Variants in JAKMIP1 observed in about 807,000 individuals in gnomAD.
JAKMIP1 encodes janus kinase and microtubule interacting protein 1.
A neutral mutation model predicts 113.0 loss-of-function variants in JAKMIP1; 33 were observed. The ratio of observed to expected loss-of-function variants is 0.29; its 90% CI spans 0.22 to 0.39. The LOEUF (loss-of-function observed/expected upper bound fraction) is 0.39. Among genes scored for constraint, JAKMIP1 ranks in the 10% least tolerant of loss-of-function variants. The pLI is 1.00. For synonymous variants in JAKMIP1, 480 were observed against 459.9 expected (o/e 1.04, Z -0.56); for missense variants, 813 against 1,080.5 (o/e 0.75, Z 3.47).
chr4:6,128,086 A>G (rs1717980788), intron 1 of JAKMIP1, among the ~76,000 whole-genome samples: 1 of 152,188 alleles, frequency 6.6e-6, no homozygotes, highest in African/African-American at 2.4e-5. Context: ...CAGGATTACC[A>G]CCACCTCCAC....
intron 8 of JAKMIP1, 107 bp downstream of exon 8, chr4:6,078,832 G>T: frequency 1.0e-6 from 1 of 984,654 alleles, no homozygotes; most frequent in Non-Finnish European, 1.6e-6. Flanking sequence ...AGATGTGTGT[G>T]TCTGCTTCAG....
At chr4:6,118,839 C>G (rs1716252018) in intron 1 of JAKMIP1, among the ~76,000 whole-genome samples, 1 of 152,168 alleles carries the variant, frequency 6.6e-6, no homozygotes, top group Non-Finnish European at 1.5e-5. Flanking sequence ...ACATCCTGCT[C>G]CCCAGAACCT....
At chr4:6,077,476 C>T (rs1261596766) in intron 8 of JAKMIP1, among the ~76,000 whole-genome samples, 1 of 136,766 alleles carries the variant, frequency 7.3e-6, no homozygotes. Flanking sequence ...TAATACATTT[C>T]CTTTCCTTTT....
intron 1 of JAKMIP1, among the ~76,000 whole-genome samples, chr4:6,165,488 A>T (rs1239494255): frequency 6.6e-6 from 1 of 152,196 alleles, no homozygotes; most frequent in Non-Finnish European, 1.5e-5. Flanking sequence ...TATTTTTAGT[A>T]GAGACAGGGT....
intron 3 of JAKMIP1, among the ~76,000 whole-genome samples, chr4:6,101,045 C>A (rs1351234794): frequency 1.3e-5 from 2 of 152,142 alleles, no homozygotes; most frequent in East Asian, 3.9e-4. Flanking sequence ...ATGATTATTT[C>A]ATGTCCAATG....
intron 1 of JAKMIP1, among the ~76,000 whole-genome samples, chr4:6,196,859 CA>C (rs68110058): frequency 0.84 from 114,765 of 136,140 alleles, 48,567 homozygotes; most frequent in East Asian, 0.98. Context: ...GAAACTCTGT[CA>C]AAAAAAAAAA....
intron 1 of JAKMIP1, among the ~76,000 whole-genome samples, chr4:6,118,016 G>T (rs1014438745): frequency 1.3e-5 from 2 of 152,154 alleles, no homozygotes; most frequent in Non-Finnish European, 2.9e-5. Context: ...GTCCTGAGAC[G>T]ATACATATCC....
rs1055368290 is a variant in JAKMIP1 at position 6,139,583 on chromosome 4, T to C, written c.-147-26586A>G. On this transcript the variant is annotated intron_variant, in intron 1 of 20. Coordinates refer to ENST00000409021, the MANE Select transcript of JAKMIP1 (RefSeq NM_001099433.2). This position sits in a 1 kb window ranked among gnomAD's most constrained non-coding sequence, Gnocchi z 5.2. ...GAGTTCGAGACCAACCTGGCCAACA[T>C]AGTGAAACCCCATCTCTACTAAAAA... 1.8e-4 allele frequency among the ~76,000 whole-genome samples: 28 copies of C among 151,712 alleles called. No individual in the cohort carries two copies. The highest frequency in any genetic ancestry group is 3.8e-4 in the Non-Finnish European group (26 of 67,956).
rs1022800589 is a variant in JAKMIP1 at position 6,136,936 on chromosome 4, T to C, written c.-147-23939A>G. 6.6e-6 allele frequency among the ~76,000 whole-genome samples: 1 copy of C among 152,186 alleles called. No homozygotes were observed. Among genetic ancestry groups the C allele is most frequent in the Non-Finnish European group, 1.5e-5 (1 of 68,026 alleles). ...GCATGGGATTCCACTGACCATGCCA[T>C]TGTACAGATGAGGAAACTGAGGCTC... On this transcript the variant is annotated intron_variant, in intron 1 of 20. Coordinates refer to ENST00000409021, the MANE Select transcript of JAKMIP1 (RefSeq NM_001099433.2). This position sits in a 1 kb window ranked among gnomAD's most constrained non-coding sequence, Gnocchi z 5.9.
At chr4:6,113,602 G>A (rs963636556) in intron 1 of JAKMIP1, among the ~76,000 whole-genome samples, 2 of 152,188 alleles carry the variant, frequency 1.3e-5, no homozygotes, top group Non-Finnish European at 2.9e-5. Context: ...GTTGACTGCT[G>A]GTGATGTCAC....
intron 1 of JAKMIP1, among the ~76,000 whole-genome samples, chr4:6,125,973 C>T (rs1717476846): frequency 7.0e-6 from 1 of 142,778 alleles, no homozygotes; most frequent in Non-Finnish European, 1.5e-5. Flanking sequence ...ACCATACATA[C>T]CATGCAGAAA....
At position 6,135,269 on chromosome 4, in the gene JAKMIP1, T is replaced by A. The variant is rs990691226; in HGVS notation, c.-147-22272A>T. ...GGCTGTGGATTAGGGTGGGACCTAA[T>A]CCAAGATGACGGATGTCCTAACAAT... On this transcript the variant is annotated intron_variant, in intron 1 of 20. Transcript: ENST00000409021. The surrounding 1 kb of genome is among the most constrained non-coding windows in gnomAD (Gnocchi z 4.9). Among the ~76,000 whole-genome samples the A allele has an allele frequency of 1.3e-5, 2 of 152,072 alleles. No homozygotes were observed. Among genetic ancestry groups the A allele is most frequent in the African/African-American group, 2.4e-5 (1 of 41,402 alleles).
At chr4:6,112,615 C>CG in intron 2 of JAKMIP1, 107 bp downstream of exon 2, 1 of 1,375,866 alleles carries the variant, frequency 7.3e-7, no homozygotes, top group Non-Finnish European at 1.0e-6. Flanking sequence ...AGTGCCCCCC[C>CG]TCGGCCCCCC....
chr4:6,173,652 A>G (rs1373262880), intron 1 of JAKMIP1, among the ~76,000 whole-genome samples: 1 of 152,094 alleles, frequency 6.6e-6, no homozygotes, highest in Non-Finnish European at 1.5e-5. Flanking sequence ...TCCTTATCCC[A>G]TTTTTCTATC....
At chr4:6,102,722 C>CTTTTTT (rs1191358910) in intron 3 of JAKMIP1, among the ~76,000 whole-genome samples, 1,221 of 50,860 alleles carry the variant, frequency 0.024, 260 homozygotes, top group African/African-American at 0.061. Context: ...TCTCTAAAGA[C>CTTTTTT]TTTTTTTTTT....
chr4:6,070,812 C>CA (rs1030170328), intron 8 of JAKMIP1, among the ~76,000 whole-genome samples: 4 of 150,226 alleles, frequency 2.7e-5, no homozygotes, highest in Non-Finnish European at 5.9e-5. Flanking sequence ...TTTTATAGGC[C>CA]AAAACAAACC....
rs1227605574 is a variant in JAKMIP1, at chr4:6,191,116, C to A, written c.-148+9137G>T. ...CAATTAATATTGCAAAAGACTTACACAGGCTAGAGCCACTGAGTGGCCAAG... is the reference window on the plus strand; with the variant it reads ...CAATTAATATTGCAAAAGACTTACAAAGGCTAGAGCCACTGAGTGGCCAAG... On this transcript the variant is annotated intron_variant, in intron 1 of 20. Transcript: ENST00000409021. Among the ~76,000 whole-genome samples the A allele has an allele frequency of 2.0e-5, 3 of 152,240 alleles. No individual in the cohort carries two copies. The South Asian group carries it at 6.2e-4, about 31-fold the overall frequency.
Position 6,129,854 on chromosome 4 carries a change from C to A in JAKMIP1, c.-147-16857G>T, listed in dbSNP as rs757363720. On this transcript the variant is annotated intron_variant, in intron 1 of 20. Coordinates refer to ENST00000409021, the MANE Select transcript of JAKMIP1 (RefSeq NM_001099433.2). This position sits in a 1 kb window ranked among gnomAD's most constrained non-coding sequence, Gnocchi z 5.4. ...CTGTCCCCCAGTCAAAGAATCATCA[C>A]GTTCACCTCTGCTGTGGAGGACTGC... 6.6e-6 allele frequency among the ~76,000 whole-genome samples: 1 copy of A among 152,228 alleles called. No individual in the cohort carries two copies. The highest frequency in any genetic ancestry group is 2.4e-5 in the African/African-American group (1 of 41,454).
At position 6,142,999 on chromosome 4, in the gene JAKMIP1, C is replaced by A. The variant is rs1016813156; in HGVS notation, c.-147-30002G>T. On this transcript the variant is annotated intron_variant, in intron 1 of 20. Coordinates refer to ENST00000409021, the MANE Select transcript of JAKMIP1 (RefSeq NM_001099433.2). This position sits in a 1 kb window ranked among gnomAD's most constrained non-coding sequence, Gnocchi z 5.5. ...ACTATCAATATGAAAAGAAAAACTG[C>A]CTCGATGCCTTCTGGGGGCAGCCTG... 2.0e-5 allele frequency among the ~76,000 whole-genome samples: 3 copies of A among 152,098 alleles called. No individual in the cohort carries two copies. Among genetic ancestry groups the A allele is most frequent in the Non-Finnish European group, 2.9e-5 (2 of 68,022 alleles).
Sources: gnomAD v4.1 joint callset for allele counts (sites outside exome capture counted in the v4.1 genomes callset) on GRCh38, gnomAD v4.1.1 for gene constraint, Gnocchi (gnomAD v3.1) non-coding constraint, MANE v1.5 for transcripts, NCBI Gene and HGNC (gene_info 2026-07-23, HGNC 2026-07-21) for gene names.